BCAS3: variants seen among roughly 807,000 people sequenced by gnomAD.
The protein encoded by BCAS3 is BCAS4/BCAS3 fusion.
Under a neutral mutation model 116.1 loss-of-function variants are expected in BCAS3, and 53 were observed. The observed-to-expected ratio is 0.46, with a 90% CI of 0.37 to 0.57. BCAS3 has a LOEUF of 0.57. Among genes scored for constraint, BCAS3 ranks in the 20% least tolerant of loss-of-function variants. The probability of loss-of-function intolerance (pLI) is 0.00; values close to 1 mark genes in which losing one functional copy is unlikely to be tolerated. For missense variants in BCAS3, 917 were observed against 1,165.4 expected (o/e 0.79, Z 3.10); for synonymous variants, 391 against 408.2 (o/e 0.96, Z 0.51).
rs1347222192 is a variant in BCAS3, at chr17:61,008,107, T to C, written c.1487-7644T>C. 6.6e-6 allele frequency among the ~76,000 whole-genome samples: 1 copy of C among 152,100 alleles called. No homozygotes were observed. Among genetic ancestry groups the C allele is most frequent in the African/African-American group, 2.4e-5 (1 of 41,432 alleles). ...TAGTGTGTGTTCTACTCTCCTTGGC[T>C]CCTGTGAACAAGCATTGCTTCCGCC... On this transcript the variant is annotated intron_variant, in intron 15 of 23. Coordinates refer to ENST00000407086, the MANE Select transcript of BCAS3 (RefSeq NM_017679.5). The surrounding 1 kb of genome is among the most constrained non-coding windows in gnomAD (Gnocchi z 4.6).
chr17:61,243,636 A>T lies in BCAS3; in HGVS notation c.2426-124691A>T, dbSNP rs553808612. Among the ~76,000 whole-genome samples, 1 of 152,340 alleles carries T rather than the reference A, an allele frequency of 6.6e-6. No individual in the cohort carries two copies. Among genetic ancestry groups the T allele is most frequent in the African/African-American group, 2.4e-5 (1 of 41,576 alleles). ...GTACAGTTTGATTGAATCAAGGGTAATCACCATTATCCTGATTTTCAGGAC... is the reference window on the plus strand; with the variant it reads ...GTACAGTTTGATTGAATCAAGGGTATTCACCATTATCCTGATTTTCAGGAC... On this transcript the variant is annotated intron_variant, in intron 22 of 23. Coordinates refer to ENST00000407086, the MANE Select transcript of BCAS3 (RefSeq NM_017679.5). The surrounding 1 kb of genome is among the most constrained non-coding windows in gnomAD (Gnocchi z 5.6).
chr17:60,769,887 C>T (rs952231879), intron 6 of BCAS3, among the ~76,000 whole-genome samples: 12 of 151,902 alleles, frequency 7.9e-5, no homozygotes, highest in African/African-American at 2.9e-4. Flanking sequence ...TGATTCTCCC[C>T]ATTCAGCCTC....
At position 61,073,762 on chromosome 17, in the gene BCAS3, C is replaced by A. The variant is rs1335949395; in HGVS notation, c.2030-1158C>A. Among the ~76,000 whole-genome samples, 1 of 151,840 alleles carries A rather than the reference C, an allele frequency of 6.6e-6. No individual in the cohort carries two copies. The highest frequency in any genetic ancestry group is 2.1e-4 in the South Asian group (1 of 4,810). On this transcript the variant is annotated intron_variant, in intron 19 of 23. Coordinates refer to ENST00000407086, the MANE Select transcript of BCAS3 (RefSeq NM_017679.5). This position sits in a 1 kb window ranked among gnomAD's most constrained non-coding sequence, Gnocchi z 4.6. ...CTTTCTTACTTTTCTTTCTACTTACCTCCCCTCTTTTTCTCTGTTCCTCCC... is the reference window on the plus strand; with the variant it reads ...CTTTCTTACTTTTCTTTCTACTTACATCCCCTCTTTTTCTCTGTTCCTCCC...
intron 22 of BCAS3, among the ~76,000 whole-genome samples, chr17:61,312,315 G>T (rs1037219206): frequency 8.5e-5 from 13 of 152,140 alleles, no homozygotes; most frequent in African/African-American, 2.4e-4. Flanking sequence ...GCTCAGAGGG[G>T]CTAGCAAGTC....
In BCAS3 at chr17:61,261,824, G is replaced by A. The variant is rs569440279; in HGVS notation, c.2426-106503G>A. ...TCCCTCCAGGGCGCATAGCAATAAC[G>A]TGAATTTTTTTGTCTAGTATGACTC... On this transcript the variant is annotated intron_variant, in intron 22 of 23. Transcript: ENST00000407086. This position sits in a 1 kb window ranked among gnomAD's most constrained non-coding sequence, Gnocchi z 4.4. Among the ~76,000 whole-genome samples the A allele has an allele frequency of 2.0e-5, 3 of 152,298 alleles. No homozygotes were observed. The highest frequency in any genetic ancestry group is 1.9e-4 in the East Asian group (1 of 5,192).
Position 61,344,304 on chromosome 17 carries a change from G to C in BCAS3, c.2426-24023G>C, listed in dbSNP as rs2143269628. Among the ~76,000 whole-genome samples, 1 of 151,370 alleles carries C rather than the reference G, an allele frequency of 6.6e-6. No individual in the cohort carries two copies. The highest frequency in any genetic ancestry group is 1.5e-5 in the Non-Finnish European group (1 of 67,872). On this transcript the variant is annotated intron_variant, in intron 22 of 23. Transcript: ENST00000407086. The surrounding 1 kb of genome is among the most constrained non-coding windows in gnomAD (Gnocchi z 4.1). ...ACCTCTTACCAGTTGCTTCTCTTTT[G>C]TCAGAGACATGGGCCTCTTCAACCA...
chr17:61,135,041 C>G (rs1266471708), intron 22 of BCAS3, among the ~76,000 whole-genome samples: 1 of 152,156 alleles, frequency 6.6e-6, no homozygotes, highest in East Asian at 1.9e-4. Flanking sequence ...ACTTTAGAAT[C>G]CGACTTGAGA....
chr17:60,780,944 T>C (rs1358761233), intron 6 of BCAS3, among the ~76,000 whole-genome samples: 2 of 152,106 alleles, frequency 1.3e-5, no homozygotes, highest in Non-Finnish European at 2.9e-5. Context: ...TTTGCCACCA[T>C]GGTTCTGTTT....
intron 16 of BCAS3, among the ~76,000 whole-genome samples, chr17:61,031,122 T>G (rs2066605856): frequency 2.0e-5 from 3 of 152,066 alleles, no homozygotes; most frequent in Admixed American, 2.0e-4. Context: ...GCAAATGTTC[T>G]TTAATGAGAT....
chr17:60,905,165 TTATAG>T (rs2058122577), intron 11 of BCAS3, among the ~76,000 whole-genome samples: 1 of 152,168 alleles, frequency 6.6e-6, no homozygotes, highest in Non-Finnish European at 1.5e-5. Flanking sequence ...ATGGACATAA[TTATAG>T]TATAATATAT....
chr17:61,067,793 T>G (rs1045844175), intron 19 of BCAS3, among the ~76,000 whole-genome samples: 14 of 150,770 alleles, frequency 9.3e-5, no homozygotes, highest in African/African-American at 2.9e-4. Flanking sequence ...GCCCATATAT[T>G]CCTATAAGAA....
chr17:61,177,619 T>TA (rs1475935620), intron 22 of BCAS3, among the ~76,000 whole-genome samples: 2 of 152,208 alleles, frequency 1.3e-5, no homozygotes, highest in Non-Finnish European at 2.9e-5. Context: ...CTATGTTCAT[T>TA]ATCTTGATTG....
rs913356732 is a variant in BCAS3 at position 61,181,693 on chromosome 17, TG to T, written c.2425+97130del. ...CATCTACATATAGAGATACACTGGATGATAAGAGTCAACTCTAAAATCAAAA... is the reference window on the plus strand; with the variant it reads ...CATCTACATATAGAGATACACTGGATATAAGAGTCAACTCTAAAATCAAAA... On this transcript the variant is annotated intron_variant, in intron 22 of 23. Coordinates refer to ENST00000407086, the MANE Select transcript of BCAS3 (RefSeq NM_017679.5). This position sits in a 1 kb window ranked among gnomAD's most constrained non-coding sequence, Gnocchi z 5.0. Among the ~76,000 whole-genome samples the T allele has an allele frequency of 7.9e-5, 12 of 152,312 alleles. No homozygotes were observed. Among genetic ancestry groups the T allele is most frequent in the African/African-American group, 2.9e-4 (12 of 41,582 alleles).
In BCAS3 at chr17:61,376,770, G is replaced by A. The variant is rs917026074; in HGVS notation, c.2593+8276G>A. Among the ~76,000 whole-genome samples, 1 of 152,154 alleles carries A rather than the reference G, an allele frequency of 6.6e-6. No individual in the cohort carries two copies. Among genetic ancestry groups the A allele is most frequent in the African/African-American group, 2.4e-5 (1 of 41,430 alleles). On this transcript the variant is annotated intron_variant, in intron 23 of 23. Transcript: ENST00000407086. The surrounding 1 kb of genome is among the most constrained non-coding windows in gnomAD (Gnocchi z 4.5). Reference sequence around the variant, plus strand: ...TGTCTCAGCAAATGCTATCACCCAAGCAACTTAGCCAGAACCTAGGGCTTT... The same window carrying A: ...TGTCTCAGCAAATGCTATCACCCAAACAACTTAGCCAGAACCTAGGGCTTT...
At position 60,760,359 on chromosome 17, in the gene BCAS3, C is replaced by G. The variant is rs372534941; in HGVS notation, c.403+13080C>G. Among the ~76,000 whole-genome samples the G allele has an allele frequency of 1.1e-4, 16 of 152,150 alleles. 1 individual carries two copies. Among genetic ancestry groups the G allele is most frequent in the African/African-American group, 3.9e-4 (16 of 41,478 alleles). ...TCTTTTACTTTCATGTTTAGGACTC[C>G]TTTGAGCATCTCTTGTAGGCCTAGT... On this transcript the variant is annotated intron_variant, in intron 6 of 23. Transcript: ENST00000407086.
chr17:61,121,717 C>G (rs1250605999), intron 22 of BCAS3, among the ~76,000 whole-genome samples: 2 of 152,276 alleles, frequency 1.3e-5, no homozygotes, highest in East Asian at 1.9e-4. Context: ...TTATAAGGCT[C>G]AAAAACATCT....
intron 22 of BCAS3, among the ~76,000 whole-genome samples, chr17:61,100,704 T>C (rs769132356): frequency 4.6e-5 from 7 of 152,196 alleles, no homozygotes; most frequent in Non-Finnish European, 1.0e-4. Flanking sequence ...AACCAAGTTC[T>C]TGCATTTGCC....
chr17:60,868,302 G>C (rs1211169126), intron 7 of BCAS3, among the ~76,000 whole-genome samples: 1 of 152,122 alleles, frequency 6.6e-6, no homozygotes, highest in Non-Finnish European at 1.5e-5. Flanking sequence ...TGGGATTACA[G>C]GTGTGAGTAA....
At position 60,814,269 on chromosome 17, in the gene BCAS3, T is replaced by TTGTG. The variant is rs67077498; in HGVS notation, c.476+6228_476+6231dup. Among the ~76,000 whole-genome samples, 1,133 of 134,890 alleles carry TTGTG rather than the reference T, an allele frequency of 8.4e-3. 7 individuals are homozygous for TTGTG. Among genetic ancestry groups the TTGTG allele is most frequent in the Middle Eastern group, 0.014 (4 of 278 alleles). The allele number at this position is 134,890 out of a possible 152,430, so 88.5% of individuals were successfully genotyped here. A position where few individuals can be genotyped will look rare whatever the true frequency, so the allele number is the denominator to read the frequency against. Reference sequence around the variant, plus strand: ...TTCATTAGATGTATTTCTTGGTATTTTGTGTGTGTGTGTGTGTGTGTGTGT... The same window carrying TTGTG: ...TTCATTAGATGTATTTCTTGGTATTTTGTGTGTGTGTGTGTGTGTGTGTGTGTGT... On this transcript the variant is annotated intron_variant, in intron 7 of 23. Coordinates refer to ENST00000407086, the MANE Select transcript of BCAS3 (RefSeq NM_017679.5).
Sources: gnomAD v4.1 joint callset for allele counts (sites outside exome capture counted in the v4.1 genomes callset) on GRCh38, gnomAD v4.1.1 for gene constraint, Gnocchi (gnomAD v3.1) non-coding constraint, MANE v1.5 for transcripts, NCBI Gene and HGNC (gene_info 2026-07-23, HGNC 2026-07-21) for gene names.